Variants in DNAH17 observed in about 807,000 individuals in gnomAD.
DNAH17 encodes the protein dynein axonemal heavy chain 17, also known as axonemal beta dynein heavy chain 17.
A neutral mutation model predicts 485.6 loss-of-function variants in DNAH17; 376 were observed. The ratio of observed to expected loss-of-function variants is 0.77; its 90% CI spans 0.71 to 0.84. The LOEUF is 0.84. DNAH17 is among the 40% of genes least tolerant of loss of function. The pLI, the probability that DNAH17 is intolerant of heterozygous loss-of-function variation, is 0.00. For missense variants in DNAH17, 6,370 were observed against 5,839.3 expected (o/e 1.09, Z -2.96); for synonymous variants, 3,031 against 2,405.9 (o/e 1.26, Z -7.60).
chr17:78,460,360 A>G (rs141394673), intron 58 of DNAH17, 103 bp from the exon 59 acceptor site: 11,987 of 145,300 alleles, frequency 0.082, 1 homozygote, highest in Non-Finnish European at 0.11. Flanking sequence ...GTGTGCATGT[A>G]TGCACGTGCA....
intron 37 of DNAH17, among the ~76,000 whole-genome samples, chr17:78,496,483 G>A (rs549977840): frequency 1.3e-5 from 2 of 151,584 alleles, no homozygotes; most frequent in Middle Eastern, 3.2e-3. Context: ...GAGGGTGGGC[G>A]CGACACTGAG....
intron 44 of DNAH17, among the ~76,000 whole-genome samples, chr17:78,489,728 C>A (rs1006121888): frequency 2.0e-5 from 3 of 151,590 alleles, no homozygotes; most frequent in African/African-American, 4.9e-5. Context: ...CAGCTTTTTT[C>A]ATCACTCTCT....
intron 4 of DNAH17, 57 bp downstream of exon 4, chr17:78,571,533 G>T: frequency 6.3e-7 from 1 of 1,596,884 alleles, no homozygotes; most frequent in Non-Finnish European, 8.6e-7. Flanking sequence ...CGGAGAGCTC[G>T]GCCCGGTCGC....
At chr17:78,476,132 T>A (rs553251121) in intron 52 of DNAH17, among the ~76,000 whole-genome samples, 1 of 152,116 alleles carries the variant, frequency 6.6e-6, no homozygotes, top group Admixed American at 6.5e-5. Flanking sequence ...GCAGGGCCTT[T>A]CTCCACCCCA....
In DNAH17 at chr17:78,455,818, T is replaced by C. The variant is rs1384705075; in HGVS notation, c.9996A>G (p.Ala3332=). Residue 3332 remains alanine (A), a synonymous_variant, in exon 63 of 81, where the codon GCA becomes GCG. Transcript: ENST00000389840. ...LLANRLVGGL[A]SENIRWAESV... is the part of the protein sequence containing the mutation. ...ACTCAGCCCAGCGGATGTTTTCCGA[T>C]GCTAATCCCCCGACCAGCCTAAAGT... The C allele has an allele frequency of 2.5e-6, 4 of 1,605,260 alleles. No homozygotes were observed. The highest frequency in any genetic ancestry group is 1.1e-5 in the South Asian group (1 of 89,982).
intron 71 of DNAH17, among the ~76,000 whole-genome samples, chr17:78,442,573 C>G: frequency 6.6e-6 from 1 of 152,254 alleles, no homozygotes; most frequent in Non-Finnish European, 1.5e-5. Context: ...TTGCTAATTA[C>G]TTGGCCAGGC....
intron 16 of DNAH17, among the ~76,000 whole-genome samples, chr17:78,547,281 A>C (rs578233301): frequency 1.3e-5 from 2 of 152,314 alleles, no homozygotes; most frequent in Admixed American, 1.3e-4. Context: ...GTATTTTTCC[A>C]AGCCCCTGCA....
chr17:78,573,876 T>C (rs1272454197), intron 2 of DNAH17, among the ~76,000 whole-genome samples: 1 of 151,498 alleles, frequency 6.6e-6, no homozygotes, highest in Non-Finnish European at 1.5e-5. Context: ...ATGAGAAGAG[T>C]GATGACCAGG....
At chr17:78,470,197 C>T (rs1270188777) in intron 54 of DNAH17, among the ~76,000 whole-genome samples, 1 of 150,810 alleles carries the variant, frequency 6.6e-6, no homozygotes, top group East Asian at 2.0e-4. Flanking sequence ...CCTCAGCCTC[C>T]TGAGAGATTA....
chr17:78,485,569 C>T lies in DNAH17; in HGVS notation c.7464G>A (p.Thr2488=), dbSNP rs561286701. 5 of 1,611,892 alleles carry T rather than the reference C, an allele frequency of 3.1e-6. No homozygotes were observed. The African/African-American group carries it at 4.0e-5, about 13-fold the overall frequency. The change falls in exon 47 of 81, where the codon ACG becomes ACA. Residue 2488 remains threonine (T), a synonymous_variant. Transcript: ENST00000389840. The part of the protein sequence containing the change: ...LVQAVPFNFY[T]TSAMLQGVLE... Reference sequence around the variant, plus strand: ...CCTCACCCTGCAGCATGGCTGAGGTCGTGTAGAAGTTGAAGGGCACAGCCT... The same window carrying T: ...CCTCACCCTGCAGCATGGCTGAGGTTGTGTAGAAGTTGAAGGGCACAGCCT...
intron 80 of DNAH17, chr17:78,424,604 A>C (rs1356601920): frequency 6.4e-6 from 1 of 156,344 alleles, no homozygotes; most frequent in Non-Finnish European, 1.4e-5. Context: ...CGCCCTATTT[A>C]ATGGTGTTTT....
chr17:78,527,077 TAAG>T lies in DNAH17; in HGVS notation c.3508-84_3508-82del, dbSNP rs368885690. ...CTATTGTGAAATAATTAGAGACTGG[TAAG>T]AAGCTGCAAAAACAGTGCAGGGGCC... is the stretch of plus-strand genomic sequence containing the variant. On this transcript the variant is annotated intron_variant, in intron 22 of 80. Coordinates refer to ENST00000389840, the MANE Select transcript of DNAH17 (RefSeq NM_173628.4). The T allele has an allele frequency of 6.1e-5, 76 of 1,254,060 alleles. No homozygotes were observed. The African/African-American group carries it at 8.0e-4, about 13-fold the overall frequency. 77.7% of individuals were successfully genotyped at this position (1,254,060 alleles called of 1,614,324 possible).
At chr17:78,525,303 C>T in intron 24 of DNAH17, 142 bp from the exon 25 acceptor site, 1 of 1,281,660 alleles carries the variant, frequency 7.8e-7, no homozygotes, top group Non-Finnish European at 1.1e-6. Context: ...CGGTGTCCCA[C>T]CTGGAGGGAG....
At chr17:78,564,138 G>A (rs776421711) in intron 11 of DNAH17, among the ~76,000 whole-genome samples, 1 of 151,976 alleles carries the variant, frequency 6.6e-6, no homozygotes, top group Non-Finnish European at 1.5e-5. Flanking sequence ...CACAGGGTAG[G>A]GGCCTAGGGC....
chr17:78,449,421 G>C lies in DNAH17; in HGVS notation c.11204C>G (p.Thr3735Arg). ...RDKLIFLAQV[T>R]FQVLSMKKEL... ...AGTGAGGCTAGACATTACCTGAAACGTAACTTGTGCCAGGAAAATGAGTTT... is the reference window on the plus strand; with the variant it reads ...AGTGAGGCTAGACATTACCTGAAACCTAACTTGTGCCAGGAAAATGAGTTT... The change falls in exon 69 of 81, where the codon ACG (threonine) becomes AGG (arginine). Residue 3735 changes from threonine (T) to arginine (R), a missense_variant. By Grantham distance (71) the Thr-to-Arg change is moderately conservative. Coordinates refer to ENST00000389840, the MANE Select transcript of DNAH17 (RefSeq NM_173628.4). 6.5e-7 allele frequency: 1 copy of C among 1,549,430 alleles called. No homozygotes were observed. Among genetic ancestry groups the C allele is most frequent in the African/African-American group, 1.4e-5 (1 of 73,054 alleles).
intron 80 of DNAH17, chr17:78,425,091 T>C (rs1335303251): frequency 1.2e-5 from 5 of 405,306 alleles, no homozygotes; most frequent in African/African-American, 6.1e-5. Flanking sequence ...CTCTGCTGTT[T>C]TCATTAAAGC....
intron 71 of DNAH17, among the ~76,000 whole-genome samples, chr17:78,443,640 C>T (rs2087158412): frequency 6.6e-6 from 1 of 152,220 alleles, no homozygotes. Context: ...GCCTCCACCT[C>T]CCGGGCTCAA....
At chr17:78,441,769 A>G (rs1324932324) in intron 71 of DNAH17, among the ~76,000 whole-genome samples, 2 of 152,120 alleles carry the variant, frequency 1.3e-5, no homozygotes, top group African/African-American at 4.8e-5. Context: ...TGTAATGTAT[A>G]AAGAATGAAT....
intron 71 of DNAH17, among the ~76,000 whole-genome samples, chr17:78,442,847 T>G (rs1207403699): frequency 6.6e-6 from 1 of 152,116 alleles, no homozygotes; most frequent in Non-Finnish European, 1.5e-5. Flanking sequence ...GTGACCTGAG[T>G]GTGGAAGTGC....
Sources: gnomAD v4.1 joint callset for allele counts (sites outside exome capture counted in the v4.1 genomes callset) on GRCh38, gnomAD v4.1.1 for gene constraint, MANE v1.5 for transcripts, NCBI Gene and HGNC (gene_info 2026-07-23, HGNC 2026-07-21) for gene names.